The following ANKRD11 variants were observed in gnomAD, a reference collection of about 807,000 sequenced individuals.
ANKRD11 encodes the protein ankyrin repeat domain 11.
ANKRD11 carries 17 observed loss-of-function variants against 195.7 expected under a neutral mutation model. The ratio of observed to expected loss-of-function variants is 0.09; its 90% CI spans 0.06 to 0.13. The LOEUF (loss-of-function observed/expected upper bound fraction) is 0.13, where lower values mean the gene tolerates loss of function less well. Among genes scored for constraint, ANKRD11 ranks in the 10% least tolerant of loss-of-function variants. The pLI, the probability that ANKRD11 is intolerant of heterozygous loss-of-function variation, is 1.00. For synonymous variants in ANKRD11, 1,953 were observed against 1,528.1 expected (o/e 1.28, Z -6.49); for missense variants, 3,735 against 3,566.1 (o/e 1.05, Z -1.21).
At chr16:89,430,454 T>A (rs1420521417) in intron 1 of ANKRD11, among the ~76,000 whole-genome samples, 84 of 127,544 alleles carry the variant, frequency 6.6e-4, no homozygotes, top group African/African-American at 1.7e-3. Context: ...TCACGCTCAG[T>A]CGTTCTAGTA....
chr16:89,486,843 C>T (rs2057631008), intron 1 of ANKRD11, among the ~76,000 whole-genome samples: 1 of 151,818 alleles, frequency 6.6e-6, no homozygotes, highest in African/African-American at 2.4e-5. Context: ...CCAGTCTCTA[C>T]TAACAATAAA....
intron 2 of ANKRD11, among the ~76,000 whole-genome samples, chr16:89,415,906 G>A (rs2042289350): frequency 6.7e-6 from 1 of 149,456 alleles, no homozygotes; most frequent in Admixed American, 6.8e-5. Context: ...GCCCATGTGG[G>A]TCACGGCGCC....
intron 9 of ANKRD11, among the ~76,000 whole-genome samples, chr16:89,275,443 C>T (rs1294052959): frequency 2.6e-5 from 4 of 152,314 alleles, no homozygotes; most frequent in Non-Finnish European, 5.9e-5. Flanking sequence ...CAGGGAGAGG[C>T]GCGGGACAGT....
At chr16:89,481,290 G>C (rs2057436041) in intron 1 of ANKRD11, among the ~76,000 whole-genome samples, 1 of 152,192 alleles carries the variant, frequency 6.6e-6, no homozygotes, top group African/African-American at 2.4e-5. Flanking sequence ...TCTTAAGGCT[G>C]CATGTGATGT....
In ANKRD11 at chr16:89,347,947, T is replaced by C. The variant is rs76175380; in HGVS notation, c.-59-30869A>G. On this transcript the variant is annotated intron_variant, in intron 2 of 12. Transcript: ENST00000301030. ...GAATAGGTATGGGATTTTGTCTTTT[T>C]TTTTTTGACAGCATCTCATTCCATC... is the stretch of plus-strand genomic sequence containing the variant. Among the ~76,000 whole-genome samples, 187 of 152,232 alleles carry C rather than the reference T, an allele frequency of 1.2e-3. 2 individuals carry two copies. The East Asian group carries it at 0.033, about 27-fold the overall frequency.
At position 89,285,148 on chromosome 16, in the gene ANKRD11, C is replaced by G. The variant is rs908161755; in HGVS notation, c.1394G>C (p.Arg465Thr). ...GCTCCGCTTTCCGAAGCGAACCTCT[C>G]TGCCTTTTGTTTCTTTCTTTCGCTT... ...KKKRKKETKG[R>T]EVRFGKRSDK... is the part of the protein sequence containing the mutation. The change falls in exon 9 of 13, where the codon AGA becomes ACA. Residue 465 changes from arginine to threonine, a missense_variant. Coordinates refer to ENST00000301030, the MANE Select transcript of ANKRD11 (RefSeq NM_013275.6). This position sits in a 1 kb window ranked among gnomAD's most constrained non-coding sequence, Gnocchi z 5.6. The G allele has an allele frequency of 1.2e-6, 2 of 1,613,448 alleles. No individual in the cohort carries two copies. Among genetic ancestry groups the G allele is most frequent in the African/African-American group, 2.7e-5 (2 of 74,944 alleles).
chr16:89,354,710 C>T (rs1340975121), intron 2 of ANKRD11, among the ~76,000 whole-genome samples: 4 of 152,168 alleles, frequency 2.6e-5, no homozygotes, highest in Admixed American at 6.5e-5. Context: ...GGTGAAACCA[C>T]GTCTCTACTA....
chr16:89,483,799 A>G (rs1255398363), intron 1 of ANKRD11, among the ~76,000 whole-genome samples: 3 of 150,768 alleles, frequency 2.0e-5, no homozygotes, highest in African/African-American at 7.3e-5. Flanking sequence ...GGGCAACAAG[A>G]GGGAAACTCC....
chr16:89,335,581 G>T (rs913237521), intron 2 of ANKRD11, among the ~76,000 whole-genome samples: 1 of 152,200 alleles, frequency 6.6e-6, no homozygotes, highest in African/African-American at 2.4e-5. Flanking sequence ...AACAGCGAGT[G>T]ACGTCGCTTT....
intron 1 of ANKRD11, among the ~76,000 whole-genome samples, chr16:89,485,501 A>G (rs1241497439): frequency 2.6e-5 from 4 of 152,034 alleles, no homozygotes; most frequent in African/African-American, 9.7e-5. Flanking sequence ...AAACAAAACA[A>G]AACTGTGAGG....
At chr16:89,408,890 A>G (rs1223575424) in intron 2 of ANKRD11, among the ~76,000 whole-genome samples, 2 of 152,374 alleles carry the variant, frequency 1.3e-5, no homozygotes, top group Admixed American at 6.5e-5. Flanking sequence ...CTAGCAGAGC[A>G]TGTGCCTCTC....
chr16:89,486,019 T>C (rs1221322653), intron 1 of ANKRD11, among the ~76,000 whole-genome samples: 2 of 152,222 alleles, frequency 1.3e-5, no homozygotes, highest in Non-Finnish European at 2.9e-5. Flanking sequence ...ACAGCAGTCC[T>C]GCTAAAAGTG....
Position 89,490,281 on chromosome 16 carries a change from G to C in ANKRD11, c.-181C>G, listed in dbSNP as rs1014608744. On this transcript the variant is annotated 5_prime_UTR_variant, in exon 1 of 13. Transcript: ENST00000301030. ...GGCTGCGCGGCTCCGCGACGGCTCA[G>C]CGGCGGGGCGCGGGCGCTGCCCATG... 6.6e-6 allele frequency: 1 copy of C among 151,402 alleles called. No homozygotes were observed. Among genetic ancestry groups the C allele is most frequent in the Non-Finnish European group, 1.5e-5 (1 of 68,428 alleles). The allele number at this position is 151,402 out of a possible 1,614,324, so 9.4% of individuals were successfully genotyped here.
chr16:89,419,277 C>A (rs772438158), intron 1 of ANKRD11, among the ~76,000 whole-genome samples: 140 of 151,656 alleles, frequency 9.2e-4, no homozygotes, highest in Non-Finnish European at 8.5e-4. Flanking sequence ...CAGGGCAAAA[C>A]CCCGTCTCTA....
chr16:89,406,501 C>G (rs111249160), intron 2 of ANKRD11, among the ~76,000 whole-genome samples: 1 of 152,188 alleles, frequency 6.6e-6, no homozygotes, highest in Non-Finnish European at 1.5e-5. Flanking sequence ...ACAACATGTT[C>G]GTTGGCCATG....
rs186355668 is a variant in ANKRD11, at chr16:89,352,044, A to C, written c.-59-34966T>G. 9.7e-4 allele frequency among the ~76,000 whole-genome samples: 147 copies of C among 152,268 alleles called. 1 individual carries two copies. The highest frequency in any genetic ancestry group is 2.3e-3 in the Admixed American group (35 of 15,304). ...TCACGCCTCCGCTGAAATGACAGGC[A>C]CAAGCCACCAGGCCCAGGTAATTTG... is the stretch of plus-strand genomic sequence containing the variant. On this transcript the variant is annotated intron_variant, in intron 2 of 12. Coordinates refer to ENST00000301030, the MANE Select transcript of ANKRD11 (RefSeq NM_013275.6).
chr16:89,386,668 C>T (rs2040925829), intron 2 of ANKRD11, among the ~76,000 whole-genome samples: 1 of 152,232 alleles, frequency 6.6e-6, no homozygotes, highest in Non-Finnish European at 1.5e-5. Flanking sequence ...ACTTGACTCC[C>T]TTACCTTCTG....
chr16:89,474,799 T>C (rs1488674524), intron 1 of ANKRD11, among the ~76,000 whole-genome samples: 1 of 152,250 alleles, frequency 6.6e-6, no homozygotes, highest in Admixed American at 6.5e-5. Context: ...AGGTTACATA[T>C]GCCACCAACG....
At chr16:89,335,290 G>T (rs1423832663) in intron 2 of ANKRD11, among the ~76,000 whole-genome samples, 1 of 152,182 alleles carries the variant, frequency 6.6e-6, no homozygotes, top group East Asian at 1.9e-4. Flanking sequence ...GCACCCCCAA[G>T]CAGGGGCTGC....
Sources: allele counts gnomAD v4.1 joint callset (sites outside exome capture counted in the v4.1 genomes callset), GRCh38; gene constraint gnomAD v4.1.1; non-coding constraint Gnocchi (gnomAD v3.1); transcripts MANE v1.5; gene names NCBI Gene and HGNC (gene_info 2026-07-23, HGNC 2026-07-21).